TTLL13: variants seen among roughly 807,000 people sequenced by gnomAD.
TTLL13 encodes the protein tubulin tyrosine ligase like 13.
At chr15:90,253,516 A>C in the TTLL13 span, 1 of 514,538 alleles carries the variant, frequency 1.9e-6, no homozygotes, top group Non-Finnish European at 3.5e-6. Flanking sequence ...TTCTTTTCCA[A>C]TGGAAAGATC....
chr15:90,259,669 T>C, the TTLL13 span, among the ~76,000 whole-genome samples: 2 of 152,372 alleles, frequency 1.3e-5, no homozygotes, highest in African/African-American at 4.8e-5. Flanking sequence ...TAAGGAACTT[T>C]CTGTGGTTTG....
chr15:90,257,382 G>C, the TTLL13 span: 18 of 1,477,154 alleles, frequency 1.2e-5, 1 homozygote, highest in South Asian at 2.3e-4. Flanking sequence ...CAAAGAACAA[G>C]GAATGAAGCC....
At chr15:90,258,523 C>A in the TTLL13 span, 1 of 613,466 alleles carries the variant, frequency 1.6e-6, no homozygotes, top group Admixed American at 2.9e-5. Flanking sequence ...TCTTTAGGGA[C>A]ACACTATCTA....
chr15:90,256,150 C>A, the TTLL13 span: 3 of 1,614,218 alleles, frequency 1.9e-6, no homozygotes, highest in African/African-American at 4.0e-5. Flanking sequence ...GCTATGGGGA[C>A]TTCCAGTCCT....
the TTLL13 span, chr15:90,263,687 G>A: frequency 3.2e-6 from 2 of 616,738 alleles, no homozygotes; most frequent in Admixed American, 5.4e-5. Flanking sequence ...TTCTTCCAAC[G>A]CTCCATCCAA....
At chr15:90,249,766 A>G in the TTLL13 span, 2 of 152,152 alleles carry the variant, frequency 1.3e-5, no homozygotes, top group Non-Finnish European at 2.9e-5. Context: ...CCAGGCGGCT[A>G]GGGGCGGACC....
At chr15:90,249,936 G>C in the TTLL13 span, 10 of 122,344 alleles carry the variant, frequency 8.2e-5, no homozygotes, top group East Asian at 7.9e-4. Flanking sequence ...TTGGTCTTCA[G>C]CTGTATTTTA....
chr15:90,254,265 C>T, the TTLL13 span, among the ~76,000 whole-genome samples: 12 of 149,832 alleles, frequency 8.0e-5, no homozygotes, highest in East Asian at 2.0e-3. Context: ...GAGGCCGAGG[C>T]GGGCGGATCA....
At chr15:90,255,822 G>T in the TTLL13 span, 1 of 1,614,088 alleles carries the variant, frequency 6.2e-7, no homozygotes, top group Non-Finnish European at 8.5e-7. Context: ...AACCTCAACC[G>T]CATGTACAAA....
At chr15:90,250,576 C>CTGAGGTCTG in the TTLL13 span, 1 of 1,563,524 alleles carries the variant, frequency 6.4e-7, no homozygotes, top group Non-Finnish European at 8.7e-7. Flanking sequence ...TGAGGGAGGT[C>CTGAGGTCTG]TGAGGTCTGA....
the TTLL13 span, chr15:90,263,793 G>A: frequency 1.4e-6 from 1 of 705,514 alleles, no homozygotes; most frequent in South Asian, 1.5e-5. Context: ...CTATGAGTCT[G>A]GTCCTACTGG....
At chr15:90,253,418 C>G in the TTLL13 span, 1 of 1,390,030 alleles carries the variant, frequency 7.2e-7, no homozygotes, top group African/African-American at 1.4e-5. Context: ...CCCAGAATGA[C>G]TATTCCCACC....
the TTLL13 span, chr15:90,257,169 T>C: frequency 5.0e-6 from 8 of 1,613,644 alleles, no homozygotes; most frequent in Admixed American, 1.7e-5. Flanking sequence ...AAGTTTGATA[T>C]GCGAGTCTAC....
the TTLL13 span, chr15:90,262,521 AG>A: frequency 6.6e-7 from 1 of 1,518,972 alleles, no homozygotes; most frequent in Non-Finnish European, 8.8e-7. Context: ...CGCCTTAAGC[AG>A]GAACAGCAGG....
chr15:90,254,501 A>AAAAAAAAAG, the TTLL13 span, among the ~76,000 whole-genome samples: 1 of 148,264 alleles, frequency 6.7e-6, no homozygotes, highest in East Asian at 2.0e-4. Context: ...TAAAAAAAAA[A>AAAAAAAAAG]AAAAAAAAAG....
chr15:90,260,571 G>A, the TTLL13 span, among the ~76,000 whole-genome samples: 1,093 of 152,090 alleles, frequency 7.2e-3, 18 homozygotes, highest in African/African-American at 0.024. Context: ...GCAAGCAAGC[G>A]GCCAGGTGCA....
chr15:90,250,440 T>C, the TTLL13 span, among the ~76,000 whole-genome samples: 1 of 152,160 alleles, frequency 6.6e-6, no homozygotes, highest in Non-Finnish European at 1.5e-5. Context: ...TCCACCCCCA[T>C]GCACCTCCAC....
At chr15:90,264,021 G>GTGCTA in the TTLL13 span, 1 of 1,535,996 alleles carries the variant, frequency 6.5e-7, no homozygotes, top group Non-Finnish European at 8.7e-7. Context: ...AGGCTGGGAG[G>GTGCTA]TGCTATTTTT....
the TTLL13 span, among the ~76,000 whole-genome samples, chr15:90,264,555 G>A: frequency 1.3e-5 from 2 of 152,120 alleles, no homozygotes; most frequent in Non-Finnish European, 2.9e-5. Flanking sequence ...TAGGAACATG[G>A]ACAAAAAGAC....
Sources: allele counts gnomAD v4.1 joint callset (sites outside exome capture counted in the v4.1 genomes callset), GRCh38; gene constraint gnomAD v4.1.1; transcripts MANE v1.5; gene names NCBI Gene and HGNC (gene_info 2026-07-23, HGNC 2026-07-21).